The following IMMP1L variants were observed in gnomAD, a reference collection of about 807,000 sequenced individuals.
The protein encoded by IMMP1L is inner mitochondrial membrane peptidase subunit 1, also known as mitochondrial inner membrane protease subunit 1.
Under a neutral mutation model 21.8 loss-of-function variants are expected in IMMP1L, and 24 were observed. The ratio of observed to expected loss-of-function variants is 1.10; its 90% CI spans 0.80 to 1.55. The LOEUF (loss-of-function observed/expected upper bound fraction) is 1.55. Among genes scored for constraint, IMMP1L ranks in the 40% most tolerant of loss-of-function variants. The pLI, the probability that IMMP1L is intolerant of heterozygous loss-of-function variation, is 0.00. For synonymous variants in IMMP1L, 46 were observed against 62.8 expected (o/e 0.73, Z 1.26); for missense variants, 195 against 200.7 (o/e 0.97, Z 0.17).
chr11:31,500,053 T>C (rs1004530098), intron 1 of IMMP1L, among the ~76,000 whole-genome samples: 1 of 152,156 alleles, frequency 6.6e-6, no homozygotes, highest in Non-Finnish European at 1.5e-5. Context: ...GGCCTCCTCA[T>C]CTGGCTATTA....
At chr11:31,490,256 G>T (rs552433393) in intron 1 of IMMP1L, among the ~76,000 whole-genome samples, 2 of 152,048 alleles carry the variant, frequency 1.3e-5, no homozygotes, top group Admixed American at 6.6e-5. Context: ...GGTGGATCAC[G>T]AGGTCAAGAG....
intron 1 of IMMP1L, among the ~76,000 whole-genome samples, chr11:31,470,638 G>C (rs1212641699): frequency 1.3e-5 from 2 of 152,130 alleles, no homozygotes; most frequent in Non-Finnish European, 2.9e-5. Context: ...ATATCCAAGA[G>C]AAAGGAAATC....
Position 31,450,847 on chromosome 11 carries a change from C to T in IMMP1L, c.321+5413G>A, listed in dbSNP as rs1953731617. 2.6e-5 allele frequency among the ~76,000 whole-genome samples: 4 copies of T among 152,006 alleles called. No individual in the cohort carries two copies. In the South Asian group the frequency reaches 8.3e-4, roughly 32 times the overall value. ...ATTCATATATATCTAGATCTGTCCA[C>T]CCTTCAAGAATTTTAAAAAATCTAC... On this transcript the variant is annotated intron_variant, in intron 4 of 5. Coordinates refer to ENST00000532287, the MANE Select transcript of IMMP1L (RefSeq NM_001304274.2).
chr11:31,496,553 G>C (rs1013650361), intron 1 of IMMP1L, among the ~76,000 whole-genome samples: 1 of 151,940 alleles, frequency 6.6e-6, no homozygotes, highest in Non-Finnish European at 1.5e-5. Flanking sequence ...ATTTACAATA[G>C]CCAAAGGTAG....
intron 4 of IMMP1L, among the ~76,000 whole-genome samples, chr11:31,447,011 T>G (rs941921150): frequency 6.6e-6 from 1 of 152,226 alleles, no homozygotes; most frequent in Non-Finnish European, 1.5e-5. Flanking sequence ...GTGTGCCTAG[T>G]GGCTACCATA....
chr11:31,497,080 T>C (rs1955467405), intron 1 of IMMP1L, among the ~76,000 whole-genome samples: 1 of 151,144 alleles, frequency 6.6e-6, no homozygotes, highest in South Asian at 2.1e-4. Flanking sequence ...GGTCCCTGAC[T>C]TAGCAATGGT....
At chr11:31,457,033 A>T (rs1321010008) in intron 3 of IMMP1L, among the ~76,000 whole-genome samples, 1 of 151,970 alleles carries the variant, frequency 6.6e-6, no homozygotes, top group African/African-American at 2.4e-5. Flanking sequence ...AGCCAGTAGC[A>T]CTGATTGACT....
chr11:31,504,948 A>C (rs1955733457), intron 1 of IMMP1L, among the ~76,000 whole-genome samples: 1 of 152,184 alleles, frequency 6.6e-6, no homozygotes, highest in Non-Finnish European at 1.5e-5. Flanking sequence ...AGGAGGCAAA[A>C]AAGGAATTAC....
chr11:31,491,554 C>T (rs902946070), intron 1 of IMMP1L, among the ~76,000 whole-genome samples: 5 of 152,092 alleles, frequency 3.3e-5, no homozygotes, highest in Admixed American at 6.6e-5. Context: ...GTGTTAAAGG[C>T]GTAGACTGTT....
chr11:31,481,449 C>T (rs1954888722), intron 1 of IMMP1L, among the ~76,000 whole-genome samples: 1 of 151,838 alleles, frequency 6.6e-6, no homozygotes, highest in Non-Finnish European at 1.5e-5. Flanking sequence ...TTACAATCAC[C>T]TTTCTTTAAT....
At chr11:31,451,625 C>G (rs1277485864) in intron 4 of IMMP1L, among the ~76,000 whole-genome samples, 3 of 152,012 alleles carry the variant, frequency 2.0e-5, no homozygotes, top group African/African-American at 4.8e-5. Context: ...AGGATTTTAG[C>G]TTTGGATACA....
At position 31,499,757 on chromosome 11, in the gene IMMP1L, T is replaced by C. The variant is rs1955558547; in HGVS notation, c.-30+9762A>G. Among the ~76,000 whole-genome samples, 5 of 152,044 alleles carry C rather than the reference T, an allele frequency of 3.3e-5. No homozygotes were observed. In the South Asian group the frequency reaches 1.0e-3, roughly 31 times the overall value. ...AATGTTATTTCTGGCTACTTTCCCA[T>C]GGAAGAGTTAAGAGGTCATATTACC... is the stretch of plus-strand genomic sequence containing the variant. On this transcript the variant is annotated intron_variant, in intron 1 of 5. Transcript: ENST00000532287.
chr11:31,502,383 A>G (rs1955649403), intron 1 of IMMP1L, among the ~76,000 whole-genome samples: 1 of 152,246 alleles, frequency 6.6e-6, no homozygotes, highest in East Asian at 1.9e-4. Context: ...TTTATCCTGC[A>G]AGAAATTCAT....
At chr11:31,489,608 CTT>C (rs1955191266) in intron 1 of IMMP1L, among the ~76,000 whole-genome samples, 1 of 152,106 alleles carries the variant, frequency 6.6e-6, no homozygotes, top group Non-Finnish European at 1.5e-5. Context: ...GTCTTCTTAT[CTT>C]ATCTCTTGCC....
chr11:31,445,727 A>ATTT (rs11400521), intron 4 of IMMP1L, among the ~76,000 whole-genome samples: 4 of 146,748 alleles, frequency 2.7e-5, no homozygotes, highest in African/African-American at 9.9e-5. Flanking sequence ...TGACAGATGA[A>ATTT]TTTTTTTTTT....
chr11:31,502,285 T>C (rs903894689), intron 1 of IMMP1L, among the ~76,000 whole-genome samples: 2 of 152,160 alleles, frequency 1.3e-5, no homozygotes, highest in East Asian at 1.9e-4. Context: ...ACAAGAGCCA[T>C]TAGTAATTTT....
intron 1 of IMMP1L, among the ~76,000 whole-genome samples, chr11:31,482,387 A>T (rs1177261198): frequency 6.6e-6 from 1 of 152,096 alleles, no homozygotes; most frequent in Admixed American, 6.6e-5. Context: ...ACTTCTGTTC[A>T]TTAAAAGCAC....
intron 3 of IMMP1L, among the ~76,000 whole-genome samples, chr11:31,459,686 C>G (rs1219738014): frequency 6.6e-6 from 1 of 152,060 alleles, no homozygotes; most frequent in Non-Finnish European, 1.5e-5. Context: ...TCACTGCAAC[C>G]TCCATCTCCC....
intron 1 of IMMP1L, among the ~76,000 whole-genome samples, chr11:31,500,600 C>CACAT (rs1447359977): frequency 6.7e-6 from 1 of 148,562 alleles, no homozygotes; most frequent in African/African-American, 2.6e-5. Flanking sequence ...TATGCACACA[C>CACAT]ACACACACAC....
Sources: allele counts gnomAD v4.1 joint callset (sites outside exome capture counted in the v4.1 genomes callset), GRCh38; gene constraint gnomAD v4.1.1; transcripts MANE v1.5; gene names NCBI Gene and HGNC (gene_info 2026-07-23, HGNC 2026-07-21).